Variants in MPDZ observed in about 807,000 individuals in gnomAD.
MPDZ encodes the protein multiple PDZ domain crumbs cell polarity complex component.
MPDZ carries 234 observed loss-of-function variants against 239.1 expected under a neutral mutation model. The ratio of observed to expected loss-of-function variants is 0.98; its 90% CI spans 0.88 to 1.09. The LOEUF is 1.09. Among genes scored for constraint, MPDZ ranks in the 50% least tolerant of loss-of-function variants. The pLI is 0.00. For missense variants in MPDZ, 3,175 were observed against 2,510.0 expected (o/e 1.26, Z -5.66); for synonymous variants, 1,048 against 881.3 (o/e 1.19, Z -3.35).
chr9:13,270,042 A>T (rs1362802564), intron 1 of MPDZ, among the ~76,000 whole-genome samples: 3 of 152,324 alleles, frequency 2.0e-5, no homozygotes, highest in Non-Finnish European at 2.9e-5. Context: ...TTGACAAGTG[A>T]TATTTTCTCC....
Position 13,183,493 on chromosome 9 carries a change from A to C in MPDZ, c.2574T>G (p.Ser858=). Reference sequence around the variant, plus strand: ...AAGAACTGCCATGAAGAGATAAAATAGAGGCTTGAGTAGAGTAGATGCTGT... The same window carrying C: ...AAGAACTGCCATGAAGAGATAAAATCGAGGCTTGAGTAGAGTAGATGCTGT... ...ENDSIYSTQA[S]ILSLHGSSCG... is the part of the protein sequence containing the mutation. Residue 858 remains serine, a synonymous_variant, in exon 19 of 47, where the codon TCT becomes TCG. Transcript: ENST00000319217. 1.9e-6 allele frequency: 3 copies of C among 1,612,482 alleles called. No homozygotes were observed. The highest frequency in any genetic ancestry group is 2.5e-6 in the Non-Finnish European group (3 of 1,179,078).
chr9:13,163,337 A>AT, intron 22 of MPDZ, among the ~76,000 whole-genome samples: 1 of 152,186 alleles, frequency 6.6e-6, no homozygotes. Context: ...AGTCTGAAGT[A>AT]TGAGATTAAA....
chr9:13,115,285 G>A lies in MPDZ; in HGVS notation c.5429C>T (p.Pro1810Leu). Residue 1810 changes from proline to leucine, a missense_variant, in exon 40 of 47, where the codon CCA (proline) becomes CTA (leucine). Physicochemically the swap from Pro to Leu is moderately conservative, Grantham distance 98. Coordinates refer to ENST00000319217, the MANE Select transcript of MPDZ (RefSeq NM_001378778.1). ...TLEVGRIKAG[P>L]FHSERRPSQS... is the part of the protein sequence containing the mutation. ...AGATGGCCTCCTCTCTGAATGGAAT[G>A]GACCAGCTTTGATTCTTCCAACTTC... 1 of 1,612,762 alleles carries A rather than the reference G, an allele frequency of 6.2e-7. No homozygotes were observed. The highest frequency in any genetic ancestry group is 1.1e-5 in the South Asian group (1 of 91,070).
At chr9:13,136,320 GTTTTCTTTTTT>G (rs1430675703) in intron 30 of MPDZ, 138 bp from the exon 31 acceptor site, 12 of 194,656 alleles carry the variant, frequency 6.2e-5, no homozygotes, top group Non-Finnish European at 7.4e-5. Context: ...ATTTACAAAC[GTTTTCTTTTTT>G]TTTTTTTTTT....
chr9:13,126,059 C>A (rs368779214), intron 34 of MPDZ, among the ~76,000 whole-genome samples: 1 of 152,170 alleles, frequency 6.6e-6, no homozygotes. Context: ...AAATGAGATA[C>A]CAAATAAGTA....
Position 13,137,938 on chromosome 9 carries a change from AT to A in MPDZ, c.4200+18del, listed in dbSNP as rs1563880800. 6.2e-7 allele frequency: 1 copy of A among 1,612,266 alleles called. No individual in the cohort carries two copies. The highest frequency in any genetic ancestry group is 2.2e-5 in the East Asian group (1 of 44,750). ...CTTATAAAACAAGAATAAATTCAAA[AT>A]TTTCCACAAAAACTTACCTCTAGAA... On this transcript the variant is annotated intron_variant, in intron 29 of 46. Transcript: ENST00000319217.
At chr9:13,201,985 T>C (rs184515458) in intron 12 of MPDZ, among the ~76,000 whole-genome samples, 1 of 152,164 alleles carries the variant, frequency 6.6e-6, no homozygotes, top group South Asian at 2.1e-4. Flanking sequence ...TGGAGGTTTG[T>C]TGGTTTCTTT....
rs1945308349 is a variant in MPDZ, at chr9:13,127,559, AAAG to A, written c.4465-790_4465-788del. On this transcript the variant is annotated intron_variant, in intron 32 of 46. Transcript: ENST00000319217. ...AGAGAAAAGTTACAAAAAGCAAAGA[AAAG>A]AAAAGAGAATCTTGACATGGTTTCT... Among the ~76,000 whole-genome samples the A allele has an allele frequency of 2.6e-5, 4 of 152,232 alleles. No individual in the cohort carries two copies. In the South Asian group the frequency reaches 8.3e-4, roughly 32 times the overall value.
At chr9:13,248,515 AAAAACCTTTCCCTG>A (rs1966939613) in intron 2 of MPDZ, among the ~76,000 whole-genome samples, 1 of 152,148 alleles carries the variant, frequency 6.6e-6, no homozygotes, top group Admixed American at 6.5e-5. Context: ...AATAATAGTT[AAAAACCTTTCCCTG>A]AAACACAAAC....
chr9:13,116,915 T>A (rs1395716309), intron 39 of MPDZ, among the ~76,000 whole-genome samples: 1 of 152,152 alleles, frequency 6.6e-6, no homozygotes, highest in Non-Finnish European at 1.5e-5. Flanking sequence ...ATCCTCTGTC[T>A]TATATTCCCC....
chr9:13,173,404 T>C (rs1952035812), intron 21 of MPDZ, among the ~76,000 whole-genome samples: 1 of 152,002 alleles, frequency 6.6e-6, no homozygotes, highest in South Asian at 2.1e-4. Context: ...TTACAATTAA[T>C]TAAAAATTGG....
At chr9:13,136,319 C>T (rs919961549) in intron 30 of MPDZ, 137 bp from the exon 31 acceptor site, 5 of 246,296 alleles carry the variant, frequency 2.0e-5, no homozygotes, top group South Asian at 1.6e-4. Flanking sequence ...AATTTACAAA[C>T]GTTTTCTTTT....
chr9:13,252,843 C>A (rs541735154), intron 1 of MPDZ, among the ~76,000 whole-genome samples: 18 of 151,910 alleles, frequency 1.2e-4, no homozygotes, highest in African/African-American at 3.9e-4. Flanking sequence ...AGCATGATAG[C>A]AATAAAAAAA....
intron 22 of MPDZ, 101 bp from the exon 23 acceptor site, chr9:13,162,896 T>C (rs959284781): frequency 6.9e-6 from 5 of 725,818 alleles, no homozygotes; most frequent in Non-Finnish European, 9.2e-6. Context: ...ATTGTCCCTT[T>C]CTCCCTACTT....
intron 14 of MPDZ, 55 bp downstream of exon 14, chr9:13,193,112 T>C: frequency 2.1e-6 from 3 of 1,403,820 alleles, no homozygotes; most frequent in Non-Finnish European, 2.8e-6. Context: ...TTAAGCCTCC[T>C]GCAAGCTTTT....
Position 13,219,624 on chromosome 9 carries a change from G to A in MPDZ, c.1021C>T (p.Arg341Cys), listed in dbSNP as rs529758745. 1.2e-5 allele frequency: 19 copies of A among 1,612,340 alleles called. No homozygotes were observed. Among genetic ancestry groups the A allele is most frequent in the East Asian group, 2.2e-5 (1 of 44,778 alleles). Reference sequence around the variant, plus strand: ...ATGCCCAAAGCAGTGGGTGCTGTACGTTCTTCTATGGCACCTCTTGCAATC... The same window carrying A: ...ATGCCCAAAGCAGTGGGTGCTGTACATTCTTCTATGGCACCTCTTGCAATC... ...LMIARGAIEE[R>C]TAPTALGITL... is the part of the protein sequence containing the mutation. The change falls in exon 8 of 47, where the codon CGT (arginine) becomes TGT (cysteine). Residue 341 changes from arginine (R) to cysteine (C), a missense_variant. Transcript: ENST00000319217.
intron 27 of MPDZ, chr9:13,140,740 T>G (rs898706572): frequency 6.6e-6 from 1 of 152,030 alleles, no homozygotes; most frequent in East Asian, 1.9e-4. Context: ...ATTTGAGGCA[T>G]CTAGAAAAAT....
Position 13,250,390 on chromosome 9 carries a change from A to T in MPDZ, c.-57-18T>A. On this transcript the variant is annotated intron_variant, in intron 1 of 46. Coordinates refer to ENST00000319217, the MANE Select transcript of MPDZ (RefSeq NM_001378778.1). ...ATGGAACTCTGTGCAAAAAAGAAAT[A>T]GAATGGTTATGTTTTATCAGAACTT... 1 of 1,306,442 alleles carries T rather than the reference A, an allele frequency of 7.7e-7. No individual in the cohort carries two copies. Among genetic ancestry groups the T allele is most frequent in the Non-Finnish European group, 1.1e-6 (1 of 927,930 alleles). 80.9% of individuals were successfully genotyped at this position (1,306,442 alleles called of 1,614,324 possible).
intron 3 of MPDZ, among the ~76,000 whole-genome samples, chr9:13,241,787 C>T (rs1016676198): frequency 6.6e-5 from 10 of 152,164 alleles, no homozygotes; most frequent in African/African-American, 2.4e-4. Context: ...TACTTAAAAG[C>T]AACATACCTC....
Sources: allele counts gnomAD v4.1 joint callset (sites outside exome capture counted in the v4.1 genomes callset), GRCh38; gene constraint gnomAD v4.1.1; transcripts MANE v1.5; gene names NCBI Gene and HGNC (gene_info 2026-07-23, HGNC 2026-07-21).